Variants in GRIA2 observed in about 807,000 individuals in gnomAD.
GRIA2 encodes the protein glutamate ionotropic receptor AMPA type subunit 2, also known as glutamate receptor 2.
A neutral mutation model predicts 97.3 loss-of-function variants in GRIA2; 14 were observed. The observed-to-expected ratio is 0.14, with a 90% confidence interval of 0.10 to 0.23. The LOEUF (loss-of-function observed/expected upper bound fraction) is 0.23. GRIA2 is among the 10% of genes least tolerant of loss of function. The probability of loss-of-function intolerance (pLI) is 1.00; values close to 1 mark genes in which losing one functional copy is unlikely to be tolerated. For missense variants in GRIA2, 558 were observed against 1,069.8 expected (o/e 0.52, Z 6.67); for synonymous variants, 412 against 387.8 (o/e 1.06, Z -0.73).
chr4:157,285,944 C>T (rs1387916889), intron 2 of GRIA2, among the ~76,000 whole-genome samples: 1 of 151,428 alleles, frequency 6.6e-6, no homozygotes, highest in Non-Finnish European at 1.5e-5. Context: ...CAAATATACA[C>T]AACTAGTAGG....
Position 157,333,348 on chromosome 4 carries a change from C to A in GRIA2, c.1150C>A (p.Arg384=), listed in dbSNP as rs766785821. The A allele has an allele frequency of 6.4e-7, 1 of 1,552,524 alleles. No homozygotes were observed. Residue 384 remains arginine, a synonymous_variant, in exon 8 of 16, where the codon CGG becomes AGG. Coordinates refer to ENST00000264426, the MANE Select transcript of GRIA2 (RefSeq NM_001083619.3). ...NIMELKTNGP[R]KIGYWSEVDK... is the part of the protein sequence containing the mutation. ...CATGGAGCTCAAAACTAATGGGCCCCGGAAGGTAAATCCTTAGTGATTTAA... is the reference window on the plus strand; with the variant it reads ...CATGGAGCTCAAAACTAATGGGCCCAGGAAGGTAAATCCTTAGTGATTTAA...
At chr4:157,317,540 C>A in intron 4 of GRIA2, 118 bp from the exon 5 acceptor site, 1 of 432,668 alleles carries the variant, frequency 2.3e-6, no homozygotes, top group Non-Finnish European at 4.2e-6. Flanking sequence ...TATTTTGGCA[C>A]ATCAACAAAC....
At chr4:157,363,165 T>C (rs1736711939) in intron 15 of GRIA2, 118 bp downstream of exon 15, 1 of 1,092,024 alleles carries the variant, frequency 9.2e-7, no homozygotes, top group East Asian at 2.4e-5. Context: ...ATTGTTGACG[T>C]TCTTCCATGT....
At chr4:157,360,939 A>G in intron 13 of GRIA2, 71 bp from the exon 14 acceptor site, 1 of 1,157,052 alleles carries the variant, frequency 8.6e-7, no homozygotes, top group Non-Finnish European at 1.3e-6. Context: ...AGAAAAACAA[A>G]TTAAAACAAA....
chr4:157,230,848 T>C (rs1323692283), intron 2 of GRIA2, among the ~76,000 whole-genome samples: 2 of 151,718 alleles, frequency 1.3e-5, no homozygotes, highest in African/African-American at 2.4e-5. Context: ...TTTTTCCTTT[T>C]ATTTTATTTT....
At chr4:157,274,279 G>C (rs573745910) in intron 2 of GRIA2, among the ~76,000 whole-genome samples, 13 of 151,890 alleles carry the variant, frequency 8.6e-5, no homozygotes, top group Non-Finnish European at 1.5e-4. Flanking sequence ...TTTACATAAA[G>C]AAAGGAATTC....
At chr4:157,353,708 A>C (rs111981019) in intron 12 of GRIA2, among the ~76,000 whole-genome samples, 2,099 of 152,112 alleles carry the variant, frequency 0.014, 43 homozygotes, top group Non-Finnish European at 0.021. Context: ...AACAAACAAA[A>C]AAACAAAAAA....
At chr4:157,248,803 TATATATATATAA>T (rs1271408448) in intron 2 of GRIA2, among the ~76,000 whole-genome samples, 10 of 112,404 alleles carry the variant, frequency 8.9e-5, no homozygotes, top group African/African-American at 3.6e-4. Context: ...TATATATATA[TATATATATATAA>T]ATAAAATAAT....
At chr4:157,244,222 A>G (rs1288496942) in intron 2 of GRIA2, among the ~76,000 whole-genome samples, 1 of 151,956 alleles carries the variant, frequency 6.6e-6, no homozygotes, top group Non-Finnish European at 1.5e-5. Flanking sequence ...TGCAACAGAG[A>G]GAGGGAGCAA....
rs1371520813 is a variant in GRIA2 at position 157,335,987 on chromosome 4, T to C, written c.1473+110T>C. ...ATCTGAGGTTGTTGATTTCCCACAT[T>C]ACTCTAGAAACATTATCTTGTTGAT... On this transcript the variant is annotated intron_variant, in intron 10 of 15. Transcript: ENST00000264426. 1.9e-5 allele frequency: 14 copies of C among 742,510 alleles called. No homozygotes were observed. The East Asian group carries it at 3.8e-4, about 20-fold the overall frequency. 46.0% of individuals were successfully genotyped at this position (742,510 alleles called of 1,614,324 possible).
chr4:157,308,654 C>G (rs1216730931), intron 3 of GRIA2, among the ~76,000 whole-genome samples: 1 of 152,098 alleles, frequency 6.6e-6, no homozygotes, highest in Non-Finnish European at 1.5e-5. Context: ...ATACTAATAG[C>G]TTTAAATGAA....
At chr4:157,332,403 T>C (rs774191607) in intron 6 of GRIA2, among the ~76,000 whole-genome samples, 43 of 152,002 alleles carry the variant, frequency 2.8e-4, no homozygotes, top group Non-Finnish European at 1.0e-4. Context: ...AAGTAATCCA[T>C]ATTCCTTCTG....
intron 2 of GRIA2, among the ~76,000 whole-genome samples, chr4:157,272,118 G>T (rs1428129571): frequency 6.6e-6 from 1 of 151,932 alleles, no homozygotes; most frequent in East Asian, 1.9e-4. Context: ...AATATATTTA[G>T]ATTATCTTGG....
chr4:157,269,815 T>A (rs922763905), intron 2 of GRIA2, among the ~76,000 whole-genome samples: 2 of 152,106 alleles, frequency 1.3e-5, no homozygotes, highest in Non-Finnish European at 2.9e-5. Flanking sequence ...TTAAAATGAT[T>A]TTTATTCGGT....
At chr4:157,344,912 T>C (rs2126959149) in intron 12 of GRIA2, among the ~76,000 whole-genome samples, 1 of 152,234 alleles carries the variant, frequency 6.6e-6, no homozygotes, top group African/African-American at 2.4e-5. Context: ...ATTCAGAATT[T>C]GGAACTCCTA....
chr4:157,347,294 A>G (rs972864301), intron 12 of GRIA2, among the ~76,000 whole-genome samples: 1 of 152,166 alleles, frequency 6.6e-6, no homozygotes, highest in Non-Finnish European at 1.5e-5. Flanking sequence ...TTCTCTTTCC[A>G]TAAGTATTCT....
At chr4:157,338,008 GTATATA>G (rs70958818) in intron 11 of GRIA2, among the ~76,000 whole-genome samples, 7,637 of 79,136 alleles carry the variant, frequency 0.097, 349 homozygotes, top group African/African-American at 0.1. Flanking sequence ...ATATATATGT[GTATATA>G]TATATATATA....
intron 2 of GRIA2, among the ~76,000 whole-genome samples, chr4:157,297,447 A>T (rs962968006): frequency 3.3e-5 from 5 of 152,140 alleles, no homozygotes; most frequent in African/African-American, 9.7e-5. Context: ...TGAGAGACTC[A>T]TAGGGCCAAC....
chr4:157,285,332 G>C (rs1219248316), intron 2 of GRIA2, among the ~76,000 whole-genome samples: 1 of 151,330 alleles, frequency 6.6e-6, no homozygotes, highest in African/African-American at 2.4e-5. Flanking sequence ...ATTGGATACA[G>C]ATATCTCGAT....
Sources: allele counts gnomAD v4.1 joint callset (sites outside exome capture counted in the v4.1 genomes callset), GRCh38; gene constraint gnomAD v4.1.1; transcripts MANE v1.5; gene names NCBI Gene and HGNC (gene_info 2026-07-23, HGNC 2026-07-21).